SLC9A9: variants seen among roughly 807,000 people sequenced by gnomAD.
SLC9A9 encodes the protein sodium/hydrogen exchanger 9.
A neutral mutation model predicts 77.8 loss-of-function variants in SLC9A9; 62 were observed. The ratio of observed to expected loss-of-function variants is 0.80; its 90% CI spans 0.65 to 0.98. The LOEUF is 0.98. Ranked by LOEUF, SLC9A9 falls within the 50% of genes least tolerant of loss-of-function variation. The probability of loss-of-function intolerance (pLI) is 0.00; values close to 1 mark genes in which losing one functional copy is unlikely to be tolerated. For missense variants in SLC9A9, 775 were observed against 774.9 expected (o/e 1.00, Z 0.00); for synonymous variants, 320 against 283.5 (o/e 1.13, Z -1.29).
intron 12 of SLC9A9, among the ~76,000 whole-genome samples, chr3:143,389,413 T>C (rs781523295): frequency 6.6e-5 from 10 of 152,258 alleles, no homozygotes; most frequent in Non-Finnish European, 1.2e-4. Context: ...GTGAGGGCCA[T>C]TGTGCAGGAC....
intron 14 of SLC9A9, among the ~76,000 whole-genome samples, chr3:143,282,404 C>G (rs981892800): frequency 6.6e-6 from 1 of 152,170 alleles, no homozygotes; most frequent in Non-Finnish European, 1.5e-5. Context: ...CAGAAATGTC[C>G]TTCTTCACTT....
intron 6 of SLC9A9, among the ~76,000 whole-genome samples, chr3:143,648,339 G>C (rs1310853042): frequency 2.6e-5 from 4 of 152,202 alleles, no homozygotes; most frequent in African/African-American, 9.7e-5. Context: ...GCTTCGGGAT[G>C]AAAGGCATTC....
intron 4 of SLC9A9, among the ~76,000 whole-genome samples, chr3:143,703,312 T>C (rs1391174425): frequency 6.6e-6 from 1 of 152,074 alleles, no homozygotes; most frequent in East Asian, 1.9e-4. Flanking sequence ...AGGACATATG[T>C]TAGATCACAA....
At chr3:143,366,032 T>C (rs1179852744) in intron 13 of SLC9A9, among the ~76,000 whole-genome samples, 1 of 152,232 alleles carries the variant, frequency 6.6e-6, no homozygotes, top group African/African-American at 2.4e-5. Flanking sequence ...GACTAGAAAG[T>C]CATTTAAAAA....
At chr3:143,303,492 G>T (rs1300450931) in intron 14 of SLC9A9, among the ~76,000 whole-genome samples, 1 of 152,010 alleles carries the variant, frequency 6.6e-6, no homozygotes, top group East Asian at 1.9e-4. Context: ...GTGTGTTCTT[G>T]CATGAGAGGC....
chr3:143,361,144 A>G (rs2032743414), intron 14 of SLC9A9, among the ~76,000 whole-genome samples: 1 of 152,248 alleles, frequency 6.6e-6, no homozygotes, highest in African/African-American at 2.4e-5. Flanking sequence ...TATGTATATG[A>G]TATGTAAAGT....
rs112733909 is a variant in SLC9A9 at position 143,696,901 on chromosome 3, C to T, written c.534-3594G>A. ...AAAGTTTTTATGGAAAACAATTTGG[C>T]AATTTATTCTAAAAGCATTAATTTT... On this transcript the variant is annotated intron_variant, in intron 4 of 15. Transcript: ENST00000316549. 8.9e-3 allele frequency among the ~76,000 whole-genome samples: 1,360 copies of T among 152,042 alleles called. 26 individuals carry two copies. The highest frequency in any genetic ancestry group is 0.031 in the African/African-American group (1,295 of 41,516).
chr3:143,449,672 T>A lies in SLC9A9; in HGVS notation c.1469+17365A>T, dbSNP rs180943048. On this transcript the variant is annotated intron_variant, in intron 12 of 15. Coordinates refer to ENST00000316549, the MANE Select transcript of SLC9A9 (RefSeq NM_173653.4). ...ATAATTATATAAAATATAATTATAT[T>A]ATATAATTATATAAAATATAATTAT... Among the ~76,000 whole-genome samples the A allele has an allele frequency of 1.0e-3, 16 of 15,694 alleles. 2 individuals carry two copies. Among genetic ancestry groups the A allele is most frequent in the African/African-American group, 1.5e-3 (3 of 2,010 alleles). The allele number at this position is 15,694 out of a possible 152,430, so 10.3% of individuals were successfully genotyped here.
intron 4 of SLC9A9, among the ~76,000 whole-genome samples, chr3:143,784,960 A>G (rs191485809): frequency 2.6e-3 from 398 of 152,268 alleles, no homozygotes; most frequent in African/African-American, 9.1e-3. Context: ...TTCATCTGCA[A>G]TCGTGAAGAG....
chr3:143,681,393 T>C (rs1192602524), intron 5 of SLC9A9, among the ~76,000 whole-genome samples: 1 of 152,224 alleles, frequency 6.6e-6, no homozygotes, highest in East Asian at 1.9e-4. Context: ...TCTCTTATAA[T>C]GTATCGATGT....
chr3:143,296,029 G>A (rs574097170), intron 14 of SLC9A9, among the ~76,000 whole-genome samples: 1 of 152,254 alleles, frequency 6.6e-6, no homozygotes, highest in South Asian at 2.1e-4. Context: ...TTGCCCATCA[G>A]AGCTGGATAA....
At chr3:143,676,006 G>A (rs923132245) in intron 5 of SLC9A9, among the ~76,000 whole-genome samples, 1 of 152,142 alleles carries the variant, frequency 6.6e-6, no homozygotes, top group African/African-American at 2.4e-5. Context: ...ATGGGGAGGA[G>A]GGCGAGGTGG....
chr3:143,505,773 T>C (rs1385978227), intron 9 of SLC9A9, among the ~76,000 whole-genome samples: 1 of 152,206 alleles, frequency 6.6e-6, no homozygotes, highest in Non-Finnish European at 1.5e-5. Context: ...AAAGTTAATA[T>C]AGGACATAAA....
At chr3:143,526,554 T>A (rs1184177036) in intron 9 of SLC9A9, among the ~76,000 whole-genome samples, 3 of 152,118 alleles carry the variant, frequency 2.0e-5, no homozygotes, top group Non-Finnish European at 2.9e-5. Flanking sequence ...GTCCCCCAAA[T>A]TGTCCCTGCC....
chr3:143,552,661 AAGAAGTAGATTCTAAATAAACATG>A (rs1232844555), intron 8 of SLC9A9, among the ~76,000 whole-genome samples: 1 of 152,190 alleles, frequency 6.6e-6, no homozygotes, highest in African/African-American at 2.4e-5. Context: ...GAAAAACATT[AAGAAGTAGATTCTAAATAAACATG>A]AGAAGTAGAT....
Position 143,704,995 on chromosome 3 carries a change from ATATCTATCTATC to A in SLC9A9, c.534-11700_534-11689del, listed in dbSNP as rs61441328. Among the ~76,000 whole-genome samples, 315 of 116,036 alleles carry A rather than the reference ATATCTATCTATC, an allele frequency of 2.7e-3. 1 individual carries two copies. The highest frequency in any genetic ancestry group is 4.3e-3 in the Non-Finnish European group (234 of 54,036). 76.1% of individuals were successfully genotyped at this position (116,036 alleles called of 152,430 possible). A position where few individuals can be genotyped will look rare whatever the true frequency, so the allele number is the denominator to read the frequency against. On this transcript the variant is annotated intron_variant, in intron 4 of 15. Coordinates refer to ENST00000316549, the MANE Select transcript of SLC9A9 (RefSeq NM_173653.4). Reference sequence around the variant, plus strand: ...CAAGAAGAGTGAAACTCCATCTCAAATATCTATCTATCTATCTATCTATCTATCTATCTATCT... The same window carrying A: ...CAAGAAGAGTGAAACTCCATCTCAAATATCTATCTATCTATCTATCTATCT...
intron 12 of SLC9A9, among the ~76,000 whole-genome samples, chr3:143,463,607 C>T (rs572181274): frequency 2.6e-5 from 4 of 152,194 alleles, no homozygotes; most frequent in Admixed American, 1.3e-4. Flanking sequence ...GGAGGAGAAC[C>T]GGATTTTAAT....
intron 2 of SLC9A9, among the ~76,000 whole-genome samples, chr3:143,822,085 T>C (rs2009180652): frequency 1.3e-5 from 2 of 152,190 alleles, no homozygotes; most frequent in Non-Finnish European, 2.9e-5. Context: ...AGCAATTTGG[T>C]GTTTTAGAGG....
At chr3:143,734,337 T>C (rs919675823) in intron 4 of SLC9A9, among the ~76,000 whole-genome samples, 2 of 152,206 alleles carry the variant, frequency 1.3e-5, no homozygotes, top group Non-Finnish European at 2.9e-5. Context: ...GTTTGTTGAC[T>C]GATTTATGTG....
Sources: allele counts gnomAD v4.1 joint callset (sites outside exome capture counted in the v4.1 genomes callset), GRCh38; gene constraint gnomAD v4.1.1; transcripts MANE v1.5; gene names NCBI Gene and HGNC (gene_info 2026-07-23, HGNC 2026-07-21).